DOK6: variants seen among roughly 807,000 people sequenced by gnomAD.
The protein encoded by DOK6 is downstream of tyrosine kinase 6.
Under a neutral mutation model 44.0 loss-of-function variants are expected in DOK6, and 22 were observed. That is an observed-to-expected ratio of 0.50 (90% CI 0.36 to 0.71). The LOEUF (loss-of-function observed/expected upper bound fraction) is 0.71. Among genes scored for constraint, DOK6 ranks in the 30% least tolerant of loss-of-function variants. DOK6 has a pLI of 0.00. For missense variants in DOK6, 340 were observed against 416.4 expected, an observed-to-expected ratio of 0.82 and a Z score of 1.60; for synonymous variants, 166 against 145.5, an observed-to-expected ratio of 1.14 and a Z score of -1.01.
chr18:69,658,693 G>A lies in DOK6; in HGVS notation c.290-19041G>A, dbSNP rs554418582. Among the ~76,000 whole-genome samples, 33 of 152,148 alleles carry A rather than the reference G, an allele frequency of 2.2e-4. No homozygotes were observed. The South Asian group carries it at 6.4e-3, about 30-fold the overall frequency. On this transcript the variant is annotated intron_variant, in intron 3 of 7. Transcript: ENST00000382713. Reference sequence around the variant, plus strand: ...GTATTTCTCTATTTATTTCATAAACGGAAATGAGTCTTTTTCTGCTGTCTT... The same window carrying A: ...GTATTTCTCTATTTATTTCATAAACAGAAATGAGTCTTTTTCTGCTGTCTT...
intron 7 of DOK6, among the ~76,000 whole-genome samples, chr18:69,813,249 C>A (rs1015215192): frequency 2.6e-5 from 4 of 152,000 alleles, no homozygotes; most frequent in African/African-American, 4.8e-5. Context: ...CATTGTTTTA[C>A]GTAGTAATGA....
intron 1 of DOK6, among the ~76,000 whole-genome samples, chr18:69,450,098 G>T (rs930125174): frequency 4.6e-5 from 6 of 129,966 alleles, no homozygotes; most frequent in African/African-American, 1.5e-4. Context: ...GGCTTCGGAC[G>T]ATCAAATTAC....
chr18:69,689,757 G>C (rs1264873732), intron 4 of DOK6, among the ~76,000 whole-genome samples: 1 of 152,004 alleles, frequency 6.6e-6, no homozygotes, highest in Non-Finnish European at 1.5e-5. Flanking sequence ...GAATTATTCA[G>C]CAAATTGAGC....
At chr18:69,692,915 A>C (rs1986300021) in intron 4 of DOK6, among the ~76,000 whole-genome samples, 1 of 152,198 alleles carries the variant, frequency 6.6e-6, no homozygotes, top group African/African-American at 2.4e-5. Context: ...TTAATTAATA[A>C]ATTTTAACAA....
intron 1 of DOK6, among the ~76,000 whole-genome samples, chr18:69,531,701 C>G (rs1483806660): frequency 6.6e-6 from 1 of 152,146 alleles, no homozygotes; most frequent in Non-Finnish European, 1.5e-5. Flanking sequence ...GGACATTACC[C>G]ACTTGTATCT....
At chr18:69,575,339 G>A (rs1983213832) in intron 2 of DOK6, among the ~76,000 whole-genome samples, 1 of 152,090 alleles carries the variant, frequency 6.6e-6, no homozygotes, top group African/African-American at 2.4e-5. Context: ...TAAGCAATTA[G>A]AAGTACAGCA....
intron 7 of DOK6, among the ~76,000 whole-genome samples, chr18:69,832,012 T>C (rs530715162): frequency 1.8e-4 from 27 of 152,200 alleles, no homozygotes; most frequent in Non-Finnish European, 3.8e-4. Flanking sequence ...TTTTACAATT[T>C]GGATGCCCTT....
chr18:69,828,309 A>T (rs1409231200), intron 7 of DOK6, among the ~76,000 whole-genome samples: 2 of 151,824 alleles, frequency 1.3e-5, no homozygotes, highest in African/African-American at 4.8e-5. Flanking sequence ...CACTTAGATT[A>T]TGCCATTTTA....
intron 5 of DOK6, among the ~76,000 whole-genome samples, chr18:69,702,084 A>G (rs1297940852): frequency 6.7e-6 from 1 of 150,248 alleles, no homozygotes; most frequent in African/African-American, 2.5e-5. Context: ...TCACATATGG[A>G]CTCCAACATT....
chr18:69,600,993 T>A (rs182895983), intron 3 of DOK6, among the ~76,000 whole-genome samples: 1 of 152,354 alleles, frequency 6.6e-6, no homozygotes, highest in African/African-American at 2.4e-5. Flanking sequence ...TTTATACAGA[T>A]GTTTTTTGAT....
chr18:69,773,008 A>G (rs1979934426), intron 7 of DOK6, among the ~76,000 whole-genome samples: 1 of 152,002 alleles, frequency 6.6e-6, no homozygotes, highest in Non-Finnish European at 1.5e-5. Context: ...AAACACCTAC[A>G]CTAATTTAAT....
intron 5 of DOK6, among the ~76,000 whole-genome samples, chr18:69,722,353 T>C (rs1191166700): frequency 6.6e-6 from 1 of 152,196 alleles, no homozygotes; most frequent in Non-Finnish European, 1.5e-5. Context: ...ACATCCTCAT[T>C]AAGTGTAAGC....
At chr18:69,443,312 G>A (rs1287279572) in intron 1 of DOK6, among the ~76,000 whole-genome samples, 1 of 152,158 alleles carries the variant, frequency 6.6e-6, no homozygotes, top group Non-Finnish European at 1.5e-5. Context: ...AAGAGATCTT[G>A]TGAGAACACC....
chr18:69,604,615 AT>A (rs1438165917), intron 3 of DOK6, among the ~76,000 whole-genome samples: 1 of 152,204 alleles, frequency 6.6e-6, no homozygotes, highest in Non-Finnish European at 1.5e-5. Flanking sequence ...TGTTTGAGAA[AT>A]AAAGGCAAGA....
At chr18:69,735,022 C>G (rs565166159) in intron 5 of DOK6, among the ~76,000 whole-genome samples, 3 of 152,306 alleles carry the variant, frequency 2.0e-5, no homozygotes, top group South Asian at 4.1e-4. Flanking sequence ...TGATTCTGCC[C>G]TTGAAGGCAA....
intron 3 of DOK6, among the ~76,000 whole-genome samples, chr18:69,620,220 T>G (rs1984408731): frequency 6.6e-6 from 1 of 152,316 alleles, no homozygotes; most frequent in African/African-American, 2.4e-5. Context: ...TAAATTGCTT[T>G]GCATTTTCTG....
intron 5 of DOK6, among the ~76,000 whole-genome samples, chr18:69,711,213 C>T (rs1986749440): frequency 6.6e-6 from 1 of 152,134 alleles, no homozygotes; most frequent in Admixed American, 6.5e-5. Flanking sequence ...ATATGCTTTC[C>T]CTCAGACCTA....
intron 3 of DOK6, among the ~76,000 whole-genome samples, chr18:69,621,457 T>G (rs1288787343): frequency 6.6e-6 from 1 of 152,208 alleles, no homozygotes; most frequent in East Asian, 1.9e-4. Context: ...ATATAGGATC[T>G]GTAGGAATGT....
chr18:69,585,353 T>C (rs1397194796), intron 2 of DOK6, among the ~76,000 whole-genome samples: 1 of 152,088 alleles, frequency 6.6e-6, no homozygotes, highest in Admixed American at 6.5e-5. Flanking sequence ...ATATAATTTG[T>C]ATAATTTTGT....
Sources: gnomAD v4.1 joint callset for allele counts (sites outside exome capture counted in the v4.1 genomes callset) on GRCh38, gnomAD v4.1.1 for gene constraint, MANE v1.5 for transcripts, NCBI Gene and HGNC (gene_info 2026-07-23, HGNC 2026-07-21) for gene names.